ANTXR1: variants seen among roughly 807,000 people sequenced by gnomAD.
ANTXR1 encodes the protein ANTXR cell adhesion molecule 1.
Under a neutral mutation model 78.1 loss-of-function variants are expected in ANTXR1, and 19 were observed. The ratio of observed to expected loss-of-function variants is 0.24; its 90% confidence interval spans 0.17 to 0.36. The LOEUF (loss-of-function observed/expected upper bound fraction) is 0.36. Ranked by LOEUF, ANTXR1 falls within the 10% of genes least tolerant of loss-of-function variation. The probability of loss-of-function intolerance (pLI) is 1.00; values close to 1 mark genes in which losing one functional copy is unlikely to be tolerated. For synonymous variants in ANTXR1, 273 were observed against 260.5 expected (o/e 1.05, Z -0.46); for missense variants, 518 against 718.6 (o/e 0.72, Z 3.19).
At chr2:69,066,613 T>C (rs1228128205) in intron 3 of ANTXR1, among the ~76,000 whole-genome samples, 1 of 152,224 alleles carries the variant, frequency 6.6e-6, no homozygotes, top group African/African-American at 2.4e-5. Flanking sequence ...GAAGACATTG[T>C]GACTGATTCT....
rs1382500849 is a variant in ANTXR1, at chr2:69,073,010, T to C, written c.413-12T>C. The C allele has an allele frequency of 6.2e-7, 1 of 1,613,640 alleles. No individual in the cohort carries two copies. Among genetic ancestry groups the C allele is most frequent in the East Asian group, 2.2e-5 (1 of 44,890 alleles). On this transcript the variant is annotated splice_polypyrimidine_tract_variant and intron_variant, in intron 5 of 17. Coordinates refer to ENST00000303714, the MANE Select transcript of ANTXR1 (RefSeq NM_032208.3). ...CAGGGTGGACTGAGCCAGTCTGTAT[T>C]GTGTTAAACAGGGTACAGGACAGCC...
intron 16 of ANTXR1, among the ~76,000 whole-genome samples, chr2:69,190,310 G>A (rs1223414331): frequency 6.6e-6 from 1 of 152,196 alleles, no homozygotes; most frequent in East Asian, 1.9e-4. Flanking sequence ...GAGTGATTGG[G>A]GCAGAAGGAA....
rs143836647 is a variant in ANTXR1, at chr2:69,169,359, C to T, written c.1048-889C>T. 2.0e-4 allele frequency among the ~76,000 whole-genome samples: 30 copies of T among 152,344 alleles called. No individual in the cohort carries two copies. In the East Asian group the frequency reaches 5.0e-3, roughly 25 times the overall value. ...GTTTGGGGTGAGAGGAGGAAGCCCTCCAAGGCACAGAGTGGAATTATAGTA... is the reference window on the plus strand; with the variant it reads ...GTTTGGGGTGAGAGGAGGAAGCCCTTCAAGGCACAGAGTGGAATTATAGTA... On this transcript the variant is annotated intron_variant, in intron 13 of 17. Coordinates refer to ENST00000303714, the MANE Select transcript of ANTXR1 (RefSeq NM_032208.3).
intron 1 of ANTXR1, among the ~76,000 whole-genome samples, chr2:69,023,259 T>TGGTGATGG (rs1671246510): frequency 2.0e-5 from 3 of 146,944 alleles, no homozygotes; most frequent in African/African-American, 5.5e-5. Context: ...AGACGATAGA[T>TGGTGATGG]GGTGATGGTG....
rs1338913108 is a variant in ANTXR1 at position 69,080,326 on chromosome 2, C to T, written c.642+2838C>T. Among the ~76,000 whole-genome samples the T allele has an allele frequency of 4.2e-5, 5 of 117,934 alleles. No individual in the cohort carries two copies. The East Asian group carries it at 1.6e-3, about 37-fold the overall frequency. The allele number at this position is 117,934 out of a possible 152,430, so 77.4% of individuals were successfully genotyped here. A position where few individuals can be genotyped will look rare whatever the true frequency, so the allele number is the denominator to read the frequency against. ...ATACTGAAAAGAAAACTCTCAATTT[C>T]CCCCCCATCTGAAGCCTCTATCCCA... On this transcript the variant is annotated intron_variant, in intron 8 of 17. Coordinates refer to ENST00000303714, the MANE Select transcript of ANTXR1 (RefSeq NM_032208.3).
intron 8 of ANTXR1, among the ~76,000 whole-genome samples, chr2:69,078,376 C>A (rs1313644934): frequency 1.3e-5 from 2 of 152,178 alleles, no homozygotes; most frequent in Non-Finnish European, 2.9e-5. Context: ...GTCCAGGATG[C>A]AAATTCAGAG....
chr2:69,188,087 T>C (rs956386795), intron 16 of ANTXR1, among the ~76,000 whole-genome samples: 4 of 147,108 alleles, frequency 2.7e-5, no homozygotes, highest in Admixed American at 1.4e-4. Flanking sequence ...CAAAAGCTGA[T>C]GACCCAGGGT....
At position 69,087,669 on chromosome 2, in the gene ANTXR1, AG is replaced by A. The variant is rs200591043; in HGVS notation, c.643-3189del. Among the ~76,000 whole-genome samples the A allele has an allele frequency of 8.5e-3, 1,300 of 152,208 alleles. 18 individuals are homozygous for A. Among genetic ancestry groups the A allele is most frequent in the African/African-American group, 0.03 (1,241 of 41,526 alleles). ...CTTAAAGCCTCTTACCTCTAACATC[AG>A]CCTTACCCTGTGTAAGTCTCTTCCA... On this transcript the variant is annotated intron_variant, in intron 8 of 17. Coordinates refer to ENST00000303714, the MANE Select transcript of ANTXR1 (RefSeq NM_032208.3).
intron 13 of ANTXR1, among the ~76,000 whole-genome samples, chr2:69,156,743 G>T (rs1017124298): frequency 6.6e-6 from 1 of 152,162 alleles, no homozygotes; most frequent in African/African-American, 2.4e-5. Flanking sequence ...ACTATCACAA[G>T]AACAGCACCA....
At chr2:69,068,131 A>G (rs1048622853) in intron 3 of ANTXR1, among the ~76,000 whole-genome samples, 6 of 152,032 alleles carry the variant, frequency 3.9e-5, no homozygotes, top group African/African-American at 1.4e-4. Flanking sequence ...GGAGACATCC[A>G]TTCCCTCCAC....
intron 2 of ANTXR1, among the ~76,000 whole-genome samples, chr2:69,044,366 CA>C (rs112702629): frequency 0.058 from 8,875 of 152,184 alleles, 293 homozygotes; most frequent in Admixed American, 0.11. Context: ...ACCGTGGAAA[CA>C]TTATCAAATT....
At chr2:69,175,480 G>C (rs950640976) in intron 14 of ANTXR1, among the ~76,000 whole-genome samples, 3 of 152,096 alleles carry the variant, frequency 2.0e-5, no homozygotes, top group Admixed American at 2.0e-4. Context: ...AAATTAGCTT[G>C]GCATGGTGGC....
intron 17 of ANTXR1, among the ~76,000 whole-genome samples, chr2:69,206,509 GA>G (rs1674908284): frequency 6.6e-6 from 1 of 152,198 alleles, no homozygotes; most frequent in Non-Finnish European, 1.5e-5. Context: ...TCTAACAAGG[GA>G]AGTAGTTCTG....
chr2:69,058,775 T>G (rs1670146924), intron 3 of ANTXR1, among the ~76,000 whole-genome samples: 1 of 152,218 alleles, frequency 6.6e-6, no homozygotes, highest in African/African-American at 2.4e-5. Flanking sequence ...CAAAGTAGAT[T>G]GAAAACCTTT....
At chr2:69,106,892 A>G (rs1671824453) in intron 10 of ANTXR1, among the ~76,000 whole-genome samples, 1 of 152,274 alleles carries the variant, frequency 6.6e-6, no homozygotes, top group Admixed American at 6.5e-5. Context: ...CCAATCTGAA[A>G]GAGAATGGAA....
intron 17 of ANTXR1, among the ~76,000 whole-genome samples, chr2:69,234,758 C>A (rs556728405): frequency 2.0e-5 from 3 of 151,848 alleles, no homozygotes; most frequent in Non-Finnish European, 2.9e-5. Context: ...AGCAAAACTC[C>A]GTCTCAAAAA....
At chr2:69,228,793 G>A (rs768043051) in intron 17 of ANTXR1, among the ~76,000 whole-genome samples, 4 of 152,330 alleles carry the variant, frequency 2.6e-5, no homozygotes, top group South Asian at 2.1e-4. Flanking sequence ...AGGTGCATGT[G>A]TGAAGTGCTG....
intron 1 of ANTXR1, among the ~76,000 whole-genome samples, chr2:69,037,398 G>A (rs890769263): frequency 1.3e-5 from 2 of 152,324 alleles, no homozygotes; most frequent in Admixed American, 6.5e-5. Flanking sequence ...ATAAGGCAGG[G>A]CCTTATGCAT....
At chr2:69,173,607 C>T (rs548666149) in intron 14 of ANTXR1, among the ~76,000 whole-genome samples, 1 of 152,164 alleles carries the variant, frequency 6.6e-6, no homozygotes, top group South Asian at 2.1e-4. Flanking sequence ...AACTAAACTT[C>T]GGTCTCATTA....
Sources: allele counts gnomAD v4.1 joint callset (sites outside exome capture counted in the v4.1 genomes callset), GRCh38; gene constraint gnomAD v4.1.1; transcripts MANE v1.5; gene names NCBI Gene and HGNC (gene_info 2026-07-23, HGNC 2026-07-21).